Variants in SPIDR observed in about 807,000 individuals in gnomAD.
SPIDR encodes DNA repair-scaffolding protein.
Under a neutral mutation model 104.6 loss-of-function variants are expected in SPIDR, and 93 were observed. That is an observed-to-expected ratio of 0.89 (90% CI 0.75 to 1.06). SPIDR has a LOEUF of 1.06. Ranked by LOEUF, SPIDR falls within the 50% of genes least tolerant of loss-of-function variation. SPIDR has a pLI of 0.00. For synonymous variants in SPIDR, 431 were observed against 416.9 expected (o/e 1.03, Z -0.41); for missense variants, 1,154 against 1,111.2 (o/e 1.04, Z -0.55).
intron 16 of SPIDR, among the ~76,000 whole-genome samples, chr8:47,724,510 C>T (rs1220271170): frequency 6.6e-6 from 1 of 152,166 alleles, no homozygotes; most frequent in Non-Finnish European, 1.5e-5. Context: ...TTCTGCTCTG[C>T]CCTGGTCCAG....
chr8:47,367,187 G>C (rs1471256333), intron 5 of SPIDR, among the ~76,000 whole-genome samples: 1 of 152,178 alleles, frequency 6.6e-6, no homozygotes, highest in East Asian at 1.9e-4. Flanking sequence ...GCTGTTGCTG[G>C]CTTGGAGATG....
intron 10 of SPIDR, among the ~76,000 whole-genome samples, chr8:47,618,249 C>T (rs1021411854): frequency 6.6e-6 from 1 of 151,864 alleles, no homozygotes; most frequent in Non-Finnish European, 1.5e-5. Context: ...ATCCATCTAT[C>T]GGTGTAAAGG....
chr8:47,266,061 T>A (rs1554546462), intron 1 of SPIDR, among the ~76,000 whole-genome samples: 1 of 152,136 alleles, frequency 6.6e-6, no homozygotes, highest in African/African-American at 2.4e-5. Flanking sequence ...GAAGTTTTTT[T>A]TTTTTTAATA....
chr8:47,559,529 A>G (rs2154400810), intron 8 of SPIDR, among the ~76,000 whole-genome samples: 1 of 152,308 alleles, frequency 6.6e-6, no homozygotes, highest in Non-Finnish European at 1.5e-5. Context: ...TGCAAGTTCC[A>G]TGGCAGCATA....
At chr8:47,589,643 C>T (rs1473348442) in intron 8 of SPIDR, among the ~76,000 whole-genome samples, 1 of 151,944 alleles carries the variant, frequency 6.6e-6, no homozygotes, top group East Asian at 1.9e-4. Flanking sequence ...AGAAATTTGT[C>T]CATTTCATCT....
chr8:47,475,001 T>TA (rs1382101525), intron 8 of SPIDR, among the ~76,000 whole-genome samples: 1 of 152,258 alleles, frequency 6.6e-6, no homozygotes, highest in African/African-American at 2.4e-5. Context: ...CCAATTCTGT[T>TA]ATGTTGCTTT....
chr8:47,608,208 G>A (rs148237406), intron 10 of SPIDR, among the ~76,000 whole-genome samples: 3 of 152,186 alleles, frequency 2.0e-5, no homozygotes, highest in Admixed American at 6.5e-5. Context: ...CAAATCTTTC[G>A]TGACTGGCTT....
intron 3 of SPIDR, among the ~76,000 whole-genome samples, chr8:47,285,907 G>C (rs923203583): frequency 1.3e-5 from 2 of 152,182 alleles, no homozygotes; most frequent in Non-Finnish European, 2.9e-5. Context: ...GAAATGTTCA[G>C]TGTGGCTAAT....
chr8:47,626,697 C>A (rs2066182626), intron 10 of SPIDR, among the ~76,000 whole-genome samples: 2 of 152,224 alleles, frequency 1.3e-5, no homozygotes, highest in Non-Finnish European at 2.9e-5. Flanking sequence ...GATACCATCT[C>A]ATGCCAGTTA....
At chr8:47,659,208 G>T (rs1321723169) in intron 10 of SPIDR, among the ~76,000 whole-genome samples, 1 of 152,134 alleles carries the variant, frequency 6.6e-6, no homozygotes, top group African/African-American at 2.4e-5. Context: ...GCAGGGAGCC[G>T]AGATGACAGC....
chr8:47,436,478 T>C (rs1244566497), intron 7 of SPIDR, among the ~76,000 whole-genome samples: 1 of 152,130 alleles, frequency 6.6e-6, no homozygotes, highest in Non-Finnish European at 1.5e-5. Context: ...TCCCAGCACT[T>C]TGAGAGGCTG....
chr8:47,691,868 G>T (rs906905209), intron 11 of SPIDR, among the ~76,000 whole-genome samples: 3 of 152,206 alleles, frequency 2.0e-5, no homozygotes, highest in African/African-American at 7.2e-5. Context: ...AAAGTAGAGT[G>T]CTGAAGCCAC....
chr8:47,260,952 C>T lies in SPIDR; in HGVS notation c.-7C>T. On this transcript the variant is annotated 5_prime_UTR_variant, in exon 1 of 20. Transcript: ENST00000297423. ...GGAGGCGGTGCGCTCAGGCGGCGCT[C>T]CCGGAGATGCCCCGCGGCAGCCGCG... 3.3e-6 allele frequency: 4 copies of T among 1,228,596 alleles called. No homozygotes were observed. The highest frequency in any genetic ancestry group is 1.6e-5 in the African/African-American group (1 of 64,148). 76.1% of individuals were successfully genotyped at this position (1,228,596 alleles called of 1,614,324 possible). A position where few individuals can be genotyped will look rare whatever the true frequency, so the allele number is the denominator to read the frequency against.
At chr8:47,570,652 C>T (rs2058402701) in intron 8 of SPIDR, among the ~76,000 whole-genome samples, 1 of 152,048 alleles carries the variant, frequency 6.6e-6, no homozygotes, top group Non-Finnish European at 1.5e-5. Flanking sequence ...ATATGCAGAT[C>T]ATATATTTGA....
chr8:47,403,651 T>G (rs926018945), intron 6 of SPIDR, among the ~76,000 whole-genome samples: 2 of 152,268 alleles, frequency 1.3e-5, no homozygotes, highest in South Asian at 2.1e-4. Context: ...ACAAGGGATG[T>G]GAAGGACCTC....
intron 8 of SPIDR, among the ~76,000 whole-genome samples, chr8:47,503,193 G>T (rs761923138): frequency 1.3e-5 from 2 of 152,098 alleles, no homozygotes. Context: ...GAATATCCTT[G>T]TTAACTTTCT....
At chr8:47,581,731 CT>C (rs1488284403) in intron 8 of SPIDR, among the ~76,000 whole-genome samples, 1 of 151,984 alleles carries the variant, frequency 6.6e-6, no homozygotes, top group Non-Finnish European at 1.5e-5. Context: ...CTTTAGATAG[CT>C]AACCATTAAA....
chr8:47,496,300 A>G (rs185622559), intron 8 of SPIDR, among the ~76,000 whole-genome samples: 1 of 152,296 alleles, frequency 6.6e-6, no homozygotes, highest in Admixed American at 6.5e-5. Flanking sequence ...CAGGGAAAGC[A>G]TTCACCATTA....
chr8:47,483,138 GTTTGT>G (rs150219948), intron 8 of SPIDR, among the ~76,000 whole-genome samples: 9,934 of 150,938 alleles, frequency 0.066, 703 homozygotes, highest in Admixed American at 0.16. Flanking sequence ...GTTTTTTTTT[GTTTGT>G]TTTGTTTTGT....
Sources: gnomAD v4.1 joint callset for allele counts (sites outside exome capture counted in the v4.1 genomes callset) on GRCh38, gnomAD v4.1.1 for gene constraint, MANE v1.5 for transcripts, NCBI Gene and HGNC (gene_info 2026-07-23, HGNC 2026-07-21) for gene names.